ROCK2: variants seen among roughly 807,000 people sequenced by gnomAD.
ROCK2 encodes the protein Rho associated coiled-coil containing protein kinase 2.
In ROCK2, 61 loss-of-function variants were observed where a neutral mutation model predicts 195.1. That is an observed-to-expected ratio of 0.31 (90% CI 0.25 to 0.39). The LOEUF is 0.39. Ranked by LOEUF, ROCK2 falls within the 10% of genes least tolerant of loss-of-function variation. The probability of loss-of-function intolerance (pLI) is 1.00; values close to 1 mark genes in which losing one functional copy is unlikely to be tolerated. For synonymous variants in ROCK2, 504 were observed against 545.5 expected, an observed-to-expected ratio of 0.92 and a Z score of 1.06; for missense variants, 1,109 against 1,637.4, an observed-to-expected ratio of 0.68 and a Z score of 5.57.
At chr2:11,250,283 A>C (rs1025506006) in intron 3 of ROCK2, among the ~76,000 whole-genome samples, 1 of 152,192 alleles carries the variant, frequency 6.6e-6, no homozygotes, top group Non-Finnish European at 1.5e-5. Flanking sequence ...ATTTCTCTTT[A>C]GGTGCCCTAA....
upstream of ROCK2, among the ~76,000 whole-genome samples, chr2:11,345,283 A>G (rs879818116): frequency 6.6e-6 from 1 of 152,136 alleles, no homozygotes; most frequent in Non-Finnish European, 1.5e-5. Flanking sequence ...CCACTTCAAG[A>G]GAACGGGAGA....
At chr2:11,269,152 T>C (rs968779109) in intron 3 of ROCK2, among the ~76,000 whole-genome samples, 5 of 152,250 alleles carry the variant, frequency 3.3e-5, no homozygotes, top group African/African-American at 1.2e-4. Context: ...TGGTCATACA[T>C]CACTTTCGTG....
chr2:11,327,170 A>C (rs934770435), intron 1 of ROCK2, among the ~76,000 whole-genome samples: 3 of 152,148 alleles, frequency 2.0e-5, no homozygotes, highest in African/African-American at 7.2e-5. Flanking sequence ...ATACGATGAA[A>C]ATTCATGAGG....
chr2:11,180,069 C>A lies in ROCK2; in HGVS notation c.*3368G>T, dbSNP rs1267544887. The A allele has an allele frequency of 1.3e-5, 2 of 152,076 alleles. No individual in the cohort carries two copies. The highest frequency in any genetic ancestry group is 2.4e-5 in the African/African-American group (1 of 41,394). 9.4% of individuals were successfully genotyped at this position (152,076 alleles called of 1,614,324 possible). On this transcript the variant is annotated 3_prime_UTR_variant, in exon 33 of 33. Coordinates refer to ENST00000315872, the MANE Select transcript of ROCK2 (RefSeq NM_004850.5). The stretch of plus-strand genomic sequence containing the variant: ...GTGCTTACAAATGGTGTCTTCACAG[C>A]ATAGGGAAGCTGAAGCCTTATTCCA...
At chr2:11,315,680 T>C (rs970552582) in intron 1 of ROCK2, among the ~76,000 whole-genome samples, 1 of 152,058 alleles carries the variant, frequency 6.6e-6, no homozygotes, top group Non-Finnish European at 1.5e-5. Flanking sequence ...TGTAAAAGAC[T>C]TCAAAACATA....
chr2:11,286,413 A>G, intron 3 of ROCK2, 126 bp downstream of exon 3: 3 of 647,020 alleles, frequency 4.6e-6, no homozygotes, highest in Non-Finnish European at 5.5e-6. Flanking sequence ...GAGGACACTG[A>G]CCAAGATCAC....
Position 11,344,164 on chromosome 2 carries a change from C to T in ROCK2, c.-28G>A, listed in dbSNP as rs984738190. ...CGCCACCGCTGGACCCGCACTCAGG[C>T]TCCTCGCGCTCAGGTCCCGCAGCCT... On this transcript the variant is annotated 5_prime_UTR_variant, in exon 1 of 33. Transcript: ENST00000315872. This position sits in a 1 kb window ranked among gnomAD's most constrained non-coding sequence, Gnocchi z 5.4. 7.2e-7 allele frequency: 1 copy of T among 1,397,706 alleles called. No homozygotes were observed. Among genetic ancestry groups the T allele is most frequent in the African/African-American group, 1.5e-5 (1 of 65,138 alleles). The allele number at this position is 1,397,706 out of a possible 1,614,324, so 86.6% of individuals were successfully genotyped here.
chr2:11,204,555 G>A (rs918319804), intron 20 of ROCK2, among the ~76,000 whole-genome samples: 2 of 151,806 alleles, frequency 1.3e-5, no homozygotes, highest in Non-Finnish European at 1.5e-5. Context: ...ATTCTTATTC[G>A]CTGGGTGCTA....
chr2:11,326,999 C>A (rs1009107688), intron 1 of ROCK2, among the ~76,000 whole-genome samples: 2 of 152,146 alleles, frequency 1.3e-5, no homozygotes, highest in Non-Finnish European at 2.9e-5. Context: ...AAAAGAATTG[C>A]AATGCAGCCC....
intron 1 of ROCK2, 70 bp downstream of exon 1, chr2:11,343,926 G>A: frequency 3.3e-6 from 5 of 1,516,040 alleles, no homozygotes; most frequent in Non-Finnish European, 4.4e-6. Context: ...GACGGGCACG[G>A]AGGGCTGGGC....
intron 5 of ROCK2, among the ~76,000 whole-genome samples, chr2:11,227,674 T>C (rs1664862537): frequency 6.6e-6 from 1 of 152,208 alleles, no homozygotes; most frequent in Admixed American, 6.5e-5. Context: ...GGAGATTCCA[T>C]GCAAATCAAC....
chr2:11,343,840 C>G (rs1298968222), intron 1 of ROCK2, among the ~76,000 whole-genome samples, 156 bp downstream of exon 1: 1 of 152,162 alleles, frequency 6.6e-6, no homozygotes, highest in African/African-American at 2.4e-5. Context: ...AACTCGGTGA[C>G]AGAATCGTTT....
intron 1 of ROCK2, chr2:11,309,014 T>C: frequency 1.3e-6 from 2 of 1,580,720 alleles, no homozygotes; most frequent in Non-Finnish European, 1.7e-6. Context: ...CTGTGTAGCG[T>C]ATTCACCCTT....
At position 11,235,252 on chromosome 2, in the gene ROCK2, T is replaced by C. The variant is rs1665161275; in HGVS notation, c.723+450A>G. On this transcript the variant is annotated intron_variant, in intron 5 of 32. Coordinates refer to ENST00000315872, the MANE Select transcript of ROCK2 (RefSeq NM_004850.5). This position sits in a 1 kb window ranked among gnomAD's most constrained non-coding sequence, Gnocchi z 4.2. ...AGATGATGTTCCCAAATTTATTCTG[T>C]GTGGTTGATGCAGAGGGAGTGACGA... Among the ~76,000 whole-genome samples the C allele has an allele frequency of 6.6e-6, 1 of 152,170 alleles. No homozygotes were observed. The highest frequency in any genetic ancestry group is 6.5e-5 in the Admixed American group (1 of 15,284).
Position 11,192,839 on chromosome 2 carries a change from GT to G in ROCK2, c.3688-128del. ...TCAAAGAGAAGAAAATGTATCTGAA[GT>G]ACAAACTTAAGCTCTTGATTACGCA... On this transcript the variant is annotated intron_variant, in intron 30 of 32. Transcript: ENST00000315872. The surrounding 1 kb of genome is among the most constrained non-coding windows in gnomAD (Gnocchi z 5.0). 1 of 1,083,502 alleles carries G rather than the reference GT, an allele frequency of 9.2e-7. No individual in the cohort carries two copies. The highest frequency in any genetic ancestry group is 1.3e-6 in the Non-Finnish European group (1 of 777,436). 67.1% of individuals were successfully genotyped at this position (1,083,502 alleles called of 1,614,324 possible).
intron 9 of ROCK2, among the ~76,000 whole-genome samples, chr2:11,220,013 T>TG (rs1553301105): frequency 6.6e-6 from 1 of 151,732 alleles, no homozygotes; most frequent in African/African-American, 2.4e-5. Context: ...ATCTGGCTTT[T>TG]TTGTTGTTGT....
chr2:11,327,222 G>GA (rs1402969040), intron 1 of ROCK2, among the ~76,000 whole-genome samples: 2 of 152,176 alleles, frequency 1.3e-5, no homozygotes, highest in African/African-American at 4.8e-5. Context: ...TAAAGTGATG[G>GA]AAAATGGGTT....
intron 1 of ROCK2, among the ~76,000 whole-genome samples, chr2:11,336,537 C>G (rs1668932914): frequency 6.7e-6 from 1 of 148,710 alleles, no homozygotes. Context: ...AGGCATGAAC[C>G]ACTGTGCCCA....
intron 20 of ROCK2, 86 bp downstream of exon 20, chr2:11,207,640 G>A: frequency 9.8e-7 from 1 of 1,020,290 alleles, no homozygotes; most frequent in Non-Finnish European, 1.4e-6. Context: ...AAAGTAAAAT[G>A]CTCAAAAGAA....
Sources: allele counts gnomAD v4.1 joint callset (sites outside exome capture counted in the v4.1 genomes callset), GRCh38; gene constraint gnomAD v4.1.1; non-coding constraint Gnocchi (gnomAD v3.1); transcripts MANE v1.5; gene names NCBI Gene and HGNC (gene_info 2026-07-23, HGNC 2026-07-21).